The following PRKAG2 variants were observed in gnomAD, a reference collection of about 807,000 sequenced individuals.
PRKAG2 encodes the protein 5'-AMP-activated protein kinase subunit gamma-2.
Under a neutral mutation model 69.6 loss-of-function variants are expected in PRKAG2, and 26 were observed. The ratio of observed to expected loss-of-function variants is 0.37; its 90% CI spans 0.27 to 0.52. The LOEUF is 0.52. Among genes scored for constraint, PRKAG2 ranks in the 20% least tolerant of loss-of-function variants. PRKAG2 has a pLI of 0.90. For synonymous variants in PRKAG2, 293 were observed against 285.0 expected (o/e 1.03, Z -0.28); for missense variants, 557 against 740.0 (o/e 0.75, Z 2.87).
chr7:151,636,793 C>G (rs1285740254), intron 4 of PRKAG2, among the ~76,000 whole-genome samples: 1 of 152,170 alleles, frequency 6.6e-6, no homozygotes. Context: ...CAACCTCTGC[C>G]TCCTGGGTTC....
intron 6 of PRKAG2, among the ~76,000 whole-genome samples, chr7:151,581,405 AAT>A (rs1810437992): frequency 1.3e-5 from 2 of 152,340 alleles, no homozygotes; most frequent in African/African-American, 4.8e-5. Context: ...AATAAGGGCC[AAT>A]GAGTCCAATG....
intron 3 of PRKAG2, among the ~76,000 whole-genome samples, chr7:151,720,355 C>G (rs190829557): frequency 6.6e-6 from 1 of 152,032 alleles, no homozygotes; most frequent in East Asian, 1.9e-4. Context: ...ATAGGAGAGT[C>G]TACCTAATAC....
At chr7:151,673,264 G>A (rs1832360313) in intron 4 of PRKAG2, among the ~76,000 whole-genome samples, 1 of 152,134 alleles carries the variant, frequency 6.6e-6, no homozygotes, top group African/African-American at 2.4e-5. Context: ...CTTAAATGGG[G>A]TTATTCTAAT....
intron 3 of PRKAG2, among the ~76,000 whole-genome samples, chr7:151,734,845 A>ATTT (rs1799504256): frequency 1.6e-5 from 2 of 122,968 alleles, no homozygotes; most frequent in African/African-American, 6.8e-5. Flanking sequence ...CCTAAATCTG[A>ATTT]TTCTTTTTTT....
chr7:151,609,649 C>T (rs1386259524), intron 5 of PRKAG2, among the ~76,000 whole-genome samples: 1 of 152,120 alleles, frequency 6.6e-6, no homozygotes, highest in East Asian at 1.9e-4. Flanking sequence ...GGAATAGACG[C>T]CCCGAGAAGC....
intron 1 of PRKAG2, among the ~76,000 whole-genome samples, chr7:151,834,838 C>G (rs1336608704): frequency 6.6e-6 from 1 of 152,200 alleles, no homozygotes; most frequent in Non-Finnish European, 1.5e-5. Context: ...CCCGGAAGTC[C>G]GAGATCAAGG....
intron 1 of PRKAG2, among the ~76,000 whole-genome samples, chr7:151,848,026 C>T (rs1222527546): frequency 2.6e-5 from 4 of 152,192 alleles, no homozygotes; most frequent in Non-Finnish European, 5.9e-5. Context: ...CGTGGCCCAG[C>T]GGCTTTTAAA....
At position 151,653,706 on chromosome 7, in the gene PRKAG2, G is replaced by A. The variant is rs552990173; in HGVS notation, c.685-21568C>T. 1.4e-4 allele frequency among the ~76,000 whole-genome samples: 22 copies of A among 152,264 alleles called. No individual in the cohort carries two copies. In the South Asian group the frequency reaches 2.1e-3, roughly 14 times the overall value. ...GAAATACAAAAATTAGCCAAGCATG[G>A]TGACGGATGCCTGTAATCCCAGCTA... On this transcript the variant is annotated intron_variant, in intron 4 of 15. Coordinates refer to ENST00000287878, the MANE Select transcript of PRKAG2 (RefSeq NM_016203.4).
intron 1 of PRKAG2, among the ~76,000 whole-genome samples, chr7:151,870,632 CG>C (rs2080198638): frequency 6.6e-6 from 1 of 152,186 alleles, no homozygotes; most frequent in South Asian, 2.1e-4. Flanking sequence ...CCTCCAGCCC[CG>C]GGGCAGGACG....
At chr7:151,779,865 C>T (rs1159685633) in intron 3 of PRKAG2, among the ~76,000 whole-genome samples, 1 of 152,196 alleles carries the variant, frequency 6.6e-6, no homozygotes, top group East Asian at 1.9e-4. Flanking sequence ...TTTCCTTCCT[C>T]TGTACAGCAC....
chr7:151,797,453 C>G (rs555638399), intron 1 of PRKAG2, among the ~76,000 whole-genome samples: 2 of 152,266 alleles, frequency 1.3e-5, no homozygotes, highest in African/African-American at 4.8e-5. Flanking sequence ...AACGAGGGCT[C>G]AGAGACCTCA....
At chr7:151,727,305 G>A (rs1465887809) in intron 3 of PRKAG2, among the ~76,000 whole-genome samples, 2 of 152,210 alleles carry the variant, frequency 1.3e-5, no homozygotes, top group Non-Finnish European at 1.5e-5. Flanking sequence ...TGGGGGACTG[G>A]GACCTCCAGG....
rs1431162815 is a variant in PRKAG2 at position 151,828,472 on chromosome 7, G to A, written c.115-41931C>T. ...ATGACCCTAAAAGCCATCTCACAGA[G>A]GTGACACTGCTATAAAGGCTAGCAA... On this transcript the variant is annotated intron_variant, in intron 1 of 15. Transcript: ENST00000287878. The surrounding 1 kb of genome is among the most constrained non-coding windows in gnomAD (Gnocchi z 4.6). Among the ~76,000 whole-genome samples, 2 of 152,242 alleles carry A rather than the reference G, an allele frequency of 1.3e-5. No homozygotes were observed. The highest frequency in any genetic ancestry group is 6.5e-5 in the Admixed American group (1 of 15,288).
chr7:151,794,252 TCAGCACCAGA>T (rs1460679831), intron 1 of PRKAG2, among the ~76,000 whole-genome samples: 1 of 152,212 alleles, frequency 6.6e-6, no homozygotes, highest in Non-Finnish European at 1.5e-5. Context: ...TAGCTCCATA[TCAGCACCAGA>T]CATGAAACTC....
chr7:151,688,043 C>CCCCCCG lies in PRKAG2; in HGVS notation c.467-12407_467-12406insCGGGGG, dbSNP rs1554539814. On this transcript the variant is annotated intron_variant, in intron 3 of 15. Transcript: ENST00000287878. ...GGAGGAGGAGGAGGAGGAAATGAGG[C>CCCCCCG]CCCCCCCCGGGCTCCTTGCTGAGTC... 1.1e-4 allele frequency among the ~76,000 whole-genome samples: 6 copies of CCCCCCG among 56,544 alleles called. 1 individual carries two copies. Among genetic ancestry groups the CCCCCCG allele is most frequent in the Admixed American group, 7.4e-4 (5 of 6,790 alleles). 37.1% of individuals were successfully genotyped at this position (56,544 alleles called of 152,430 possible). A position where few individuals can be genotyped will look rare whatever the true frequency, so the allele number is the denominator to read the frequency against.
At chr7:151,819,372 C>T (rs1389534355) in intron 1 of PRKAG2, among the ~76,000 whole-genome samples, 1 of 152,188 alleles carries the variant, frequency 6.6e-6, no homozygotes, top group African/African-American at 2.4e-5. Flanking sequence ...CTAGGATTTC[C>T]TTTTGTTGTC....
In PRKAG2 at chr7:151,836,974, A is replaced by C. The variant is rs190267841; in HGVS notation, c.114+39533T>G. Among the ~76,000 whole-genome samples, 365 of 151,294 alleles carry C rather than the reference A, an allele frequency of 2.4e-3. 5 individuals are homozygous for C. The East Asian group carries it at 0.025, about 10-fold the overall frequency. The stretch of plus-strand genomic sequence containing the variant: ...GGTCCCTGCCAGACTGCCAATGTTT[A>C]TTTGAGGCTATTTGTTTAAATTCAA... On this transcript the variant is annotated intron_variant, in intron 1 of 15. Coordinates refer to ENST00000287878, the MANE Select transcript of PRKAG2 (RefSeq NM_016203.4). The surrounding 1 kb of genome is among the most constrained non-coding windows in gnomAD (Gnocchi z 4.1).
chr7:151,718,317 G>A (rs1444815510), intron 3 of PRKAG2, among the ~76,000 whole-genome samples: 1 of 151,982 alleles, frequency 6.6e-6, no homozygotes, highest in Admixed American at 6.5e-5. Context: ...TAAGGCCACA[G>A]TCCTATCAGC....
At chr7:151,631,514 C>T (rs1824401982) in intron 5 of PRKAG2, 1 of 274,688 alleles carries the variant, frequency 3.6e-6, no homozygotes, top group Non-Finnish European at 7.7e-6. Flanking sequence ...AAAAAACAAC[C>T]AAGTGAGAGG....
Sources: gnomAD v4.1 joint callset for allele counts (sites outside exome capture counted in the v4.1 genomes callset) on GRCh38, gnomAD v4.1.1 for gene constraint, Gnocchi (gnomAD v3.1) non-coding constraint, MANE v1.5 for transcripts, NCBI Gene and HGNC (gene_info 2026-07-23, HGNC 2026-07-21) for gene names.